The following CAPSL variants were observed in gnomAD, a reference collection of about 807,000 sequenced individuals.
CAPSL encodes the protein calcyphosine like.
Under a neutral mutation model 21.3 loss-of-function variants are expected in CAPSL, and 17 were observed. The observed-to-expected ratio is 0.80, with a 90% CI of 0.55 to 1.20. The LOEUF is 1.20. Ranked by LOEUF, CAPSL falls within the 50% of genes most tolerant of loss-of-function variation. The probability of loss-of-function intolerance (pLI) is 0.00; values close to 1 mark genes in which losing one functional copy is unlikely to be tolerated. For synonymous variants in CAPSL, 102 were observed against 89.3 expected, an observed-to-expected ratio of 1.14 and a Z score of -0.80; for missense variants, 289 against 259.3, an observed-to-expected ratio of 1.11 and a Z score of -0.79.
At chr5:35,926,793 T>A (rs770511279) in intron 1 of CAPSL, among the ~76,000 whole-genome samples, 3 of 152,198 alleles carry the variant, frequency 2.0e-5, no homozygotes, top group Non-Finnish European at 4.4e-5. Flanking sequence ...ACCAACGCTT[T>A]TACATCCTCT....
Position 35,910,366 on chromosome 5 carries a change from T to C in CAPSL, c.315A>G (p.Arg105=), listed in dbSNP as rs747326182. ...IDFNEFLLTL[R]PPMSRARKEV... ...TACACTGATTAATGGGGCCACTTAC[T>C]CTTAATGTGAGAAGAAATTCATTGA... is the stretch of plus-strand genomic sequence containing the variant. Residue 105 remains arginine, a splice_region_variant and synonymous_variant, in exon 3 of 5, where the codon AGA becomes AGG. Coordinates refer to ENST00000651391, the MANE Select transcript of CAPSL (RefSeq NM_001042625.2). The C allele has an allele frequency of 1.7e-5, 27 of 1,613,042 alleles. No individual in the cohort carries two copies. Among genetic ancestry groups the C allele is most frequent in the South Asian group, 3.3e-5 (3 of 90,778 alleles).
At chr5:35,934,390 C>T (rs1393029940) in intron 1 of CAPSL, among the ~76,000 whole-genome samples, 3 of 152,176 alleles carry the variant, frequency 2.0e-5, no homozygotes, top group Non-Finnish European at 2.9e-5. Flanking sequence ...GAACAGCAAT[C>T]GTCACTGCTG....
chr5:35,935,480 A>C (rs995231260), intron 1 of CAPSL, among the ~76,000 whole-genome samples: 1 of 151,722 alleles, frequency 6.6e-6, no homozygotes, highest in Non-Finnish European at 1.5e-5. Context: ...CTACAGGTGC[A>C]CACCACAATA....
chr5:35,932,963 T>A (rs894261366), intron 1 of CAPSL, among the ~76,000 whole-genome samples: 11 of 152,190 alleles, frequency 7.2e-5, no homozygotes, highest in Non-Finnish European at 1.6e-4. Flanking sequence ...TGGACCAAAT[T>A]TGGCCCTCCA....
intron 2 of CAPSL, among the ~76,000 whole-genome samples, chr5:35,914,618 A>G (rs1384470748): frequency 6.6e-6 from 1 of 152,210 alleles, no homozygotes; most frequent in East Asian, 1.9e-4. Context: ...TACTGGGTAC[A>G]TAACGAAATG....
rs531155577 is a variant in CAPSL, at chr5:35,934,248, C to T, written c.-1+4293G>A. Among the ~76,000 whole-genome samples, 283 of 152,330 alleles carry T rather than the reference C, an allele frequency of 1.9e-3. 1 individual carries two copies. Among genetic ancestry groups the T allele is most frequent in the African/African-American group, 6.3e-3 (260 of 41,572 alleles). On this transcript the variant is annotated intron_variant, in intron 1 of 4. Coordinates refer to ENST00000651391, the MANE Select transcript of CAPSL (RefSeq NM_001042625.2). ...AACACTCCCACTCCTTGCTCTTGAGCACCTCACCACCACCTCCACAAGTTA... is the reference window on the plus strand; with the variant it reads ...AACACTCCCACTCCTTGCTCTTGAGTACCTCACCACCACCTCCACAAGTTA...
intron 1 of CAPSL, among the ~76,000 whole-genome samples, chr5:35,934,939 C>T (rs1057388517): frequency 2.0e-5 from 3 of 152,126 alleles, no homozygotes; most frequent in African/African-American, 7.2e-5. Flanking sequence ...GAAACCTACC[C>T]CTCTTGCAGT....
At chr5:35,912,881 G>A (rs1738268998) in intron 2 of CAPSL, among the ~76,000 whole-genome samples, 1 of 152,184 alleles carries the variant, frequency 6.6e-6, no homozygotes, top group African/African-American at 2.4e-5. Context: ...CAAGTTGACA[G>A]AAGAAGACTG....
intron 4 of CAPSL, among the ~76,000 whole-genome samples, chr5:35,907,220 C>T (rs1293949112): frequency 6.6e-6 from 1 of 152,090 alleles, no homozygotes; most frequent in Non-Finnish European, 1.5e-5. Flanking sequence ...ACAATACAAG[C>T]CCTTTTTCTC....
chr5:35,904,679 C>CT, intron 4 of CAPSL, 33 bp from the exon 5 acceptor site: 1 of 1,609,716 alleles, frequency 6.2e-7, no homozygotes, highest in South Asian at 1.1e-5. Flanking sequence ...AAAAACGAAA[C>CT]TTTGCTTCTC....
rs769552588 is a variant in CAPSL at position 35,910,560 on chromosome 5, C to T, written c.138-17G>A. ...CTAAACACTCTGAAGAAAATACACA[C>T]AAAAATTCAGAAGAAATGTACAAAT... On this transcript the variant is annotated splice_polypyrimidine_tract_variant and intron_variant, in intron 2 of 4. Coordinates refer to ENST00000651391, the MANE Select transcript of CAPSL (RefSeq NM_001042625.2). The T allele has an allele frequency of 6.5e-7, 1 of 1,548,584 alleles. No individual in the cohort carries two copies. Among genetic ancestry groups the T allele is most frequent in the Admixed American group, 1.8e-5 (1 of 55,070 alleles).
intron 1 of CAPSL, among the ~76,000 whole-genome samples, chr5:35,927,431 G>T (rs756697208): frequency 6.6e-6 from 1 of 152,140 alleles, no homozygotes; most frequent in Non-Finnish European, 1.5e-5. Flanking sequence ...CATGTGCTTT[G>T]AAAACATTTT....
At chr5:35,916,285 T>A (rs1271778752) in intron 2 of CAPSL, among the ~76,000 whole-genome samples, 1 of 152,054 alleles carries the variant, frequency 6.6e-6, no homozygotes, top group East Asian at 1.9e-4. Context: ...ATGGCCATAC[T>A]GCCCAAGGTA....
chr5:35,936,267 G>T (rs1386757342), intron 1 of CAPSL, among the ~76,000 whole-genome samples: 1 of 151,842 alleles, frequency 6.6e-6, no homozygotes, highest in Non-Finnish European at 1.5e-5. Context: ...ATCTAAGGAT[G>T]CCCTCTCTAC....
intron 1 of CAPSL, among the ~76,000 whole-genome samples, chr5:35,928,827 T>C (rs1323487722): frequency 6.6e-6 from 1 of 152,076 alleles, no homozygotes; most frequent in Admixed American, 6.5e-5. Flanking sequence ...AGCCCTGATA[T>C]AGAGAAAGAC....
chr5:35,920,085 T>A (rs1326839650), intron 2 of CAPSL, among the ~76,000 whole-genome samples: 1 of 152,150 alleles, frequency 6.6e-6, no homozygotes, highest in East Asian at 1.9e-4. Context: ...TGCCTGGCCT[T>A]CTGACAGAGC....
intron 2 of CAPSL, among the ~76,000 whole-genome samples, chr5:35,915,942 A>T (rs1489932862): frequency 2.6e-5 from 4 of 152,200 alleles, no homozygotes; most frequent in Admixed American, 6.5e-5. Flanking sequence ...TGCAGATGAC[A>T]TGATTGTATA....
chr5:35,922,969 C>T (rs1051872486), intron 1 of CAPSL, among the ~76,000 whole-genome samples: 5 of 152,144 alleles, frequency 3.3e-5, no homozygotes, highest in African/African-American at 7.2e-5. Context: ...GCATGCGCCC[C>T]ATCCCCACCC....
intron 2 of CAPSL, among the ~76,000 whole-genome samples, chr5:35,918,189 A>C (rs1738442101): frequency 6.6e-6 from 1 of 152,214 alleles, no homozygotes; most frequent in Non-Finnish European, 1.5e-5. Context: ...TCACAACAAC[A>C]AAAACTTGGA....
Sources: allele counts gnomAD v4.1 joint callset (sites outside exome capture counted in the v4.1 genomes callset), GRCh38; gene constraint gnomAD v4.1.1; transcripts MANE v1.5; gene names NCBI Gene and HGNC (gene_info 2026-07-23, HGNC 2026-07-21).